The following PEAR1 variants were observed in gnomAD, a reference collection of about 807,000 sequenced individuals.
PEAR1 encodes multiple EGF-like domains protein 12.
Under a neutral mutation model 131.2 loss-of-function variants are expected in PEAR1, and 113 were observed. That is an observed-to-expected ratio of 0.86 (90% CI 0.74 to 1.01). The LOEUF (loss-of-function observed/expected upper bound fraction) is 1.01, where lower values mean the gene tolerates loss of function less well. Among genes scored for constraint, PEAR1 ranks in the 50% least tolerant of loss-of-function variants. The pLI, the probability that PEAR1 is intolerant of heterozygous loss-of-function variation, is 0.00. For synonymous variants in PEAR1, 565 were observed against 523.3 expected, an observed-to-expected ratio of 1.08 and a Z score of -1.09; for missense variants, 1,408 against 1,391.1, an observed-to-expected ratio of 1.01 and a Z score of -0.19.
In PEAR1 at chr1:156,910,459, C is replaced by T. The variant is rs933489257; in HGVS notation, c.1825+79C>T. The T allele has an allele frequency of 8.4e-6, 13 of 1,542,078 alleles. 1 individual carries two copies. In the South Asian group the frequency reaches 1.2e-4, roughly 15 times the overall value. On this transcript the variant is annotated intron_variant, in intron 14 of 22. Coordinates refer to ENST00000292357, the MANE Select transcript of PEAR1 (RefSeq NM_001080471.3). Reference sequence around the variant, plus strand: ...TCAGCTGCCAGAGCACCCCTCCCCCCGCGCCCGCCGCCCACCTCTCCCACC... The same window carrying T: ...TCAGCTGCCAGAGCACCCCTCCCCCTGCGCCCGCCGCCCACCTCTCCCACC...
Position 156,906,687 on chromosome 1 carries a change from G to A in PEAR1, c.451G>A (p.Gly151Ser), listed in dbSNP as rs143797832. 3.0e-5 allele frequency: 48 copies of A among 1,614,178 alleles called. No individual in the cohort carries two copies. Among genetic ancestry groups the A allele is most frequent in the South Asian group, 2.9e-4 (26 of 91,086 alleles). ...GPQCDKPCSCGNNSSCDPKSG... is the reference protein window; with the variant it reads ...GPQCDKPCSCSNNSSCDPKSG... ...ACAGTGTGACAAGCCCTGCAGCTGC[G>A]GCAACAACAGCTCGTGTGATCCCAA... Residue 151 changes from glycine to serine, a missense_variant, in exon 6 of 23, where the codon GGC (glycine) becomes AGC (serine). Gly to Ser is a moderately conservative substitution (Grantham distance 56, BLOSUM62 0). Transcript: ENST00000292357.
At position 156,912,483 on chromosome 1, in the gene PEAR1, T is replaced by C; in HGVS notation, c.2081-11T>C. 1.2e-6 allele frequency: 2 copies of C among 1,610,728 alleles called. No homozygotes were observed. Among genetic ancestry groups the C allele is most frequent in the Non-Finnish European group, 1.7e-6 (2 of 1,178,592 alleles). On this transcript the variant is annotated splice_polypyrimidine_tract_variant and intron_variant, in intron 16 of 22. Coordinates refer to ENST00000292357, the MANE Select transcript of PEAR1 (RefSeq NM_001080471.3). ...TCTGATGCCGGCCTGCCTCCTTGGC[T>C]GTCTCCCCAGGCTGCCCTCTGGGGA...
rs201748537 is a variant in PEAR1, at chr1:156,912,243, G to A, written c.1952-4G>A. 45 of 1,610,184 alleles carry A rather than the reference G, an allele frequency of 2.8e-5. No individual in the cohort carries two copies. The highest frequency in any genetic ancestry group is 2.7e-4 in the East Asian group (12 of 44,850). On this transcript the variant is annotated splice_polypyrimidine_tract_variant and splice_region_variant and intron_variant, in intron 15 of 22. Coordinates refer to ENST00000292357, the MANE Select transcript of PEAR1 (RefSeq NM_001080471.3). ...CCACCAGACAGGCCCCATGTCTCCC[G>A]TAGCATGCCCTCCAGGACACTGGGG...
At chr1:156,904,677 G>A in intron 2 of PEAR1, 71 bp from the exon 3 acceptor site, 2 of 1,460,850 alleles carry the variant, frequency 1.4e-6, no homozygotes, top group Admixed American at 2.1e-5. Context: ...AAGCCCTCAT[G>A]GCCATTTTCC....
In PEAR1 at chr1:156,910,216, G is replaced by A. The variant is rs745861389; in HGVS notation, c.1679-18G>A. The A allele has an allele frequency of 1.6e-5, 25 of 1,609,886 alleles. No homozygotes were observed. The Admixed American group carries it at 2.7e-4, about 17-fold the overall frequency. On this transcript the variant is annotated intron_variant, in intron 13 of 22. Transcript: ENST00000292357. ...GAAGGGGGCCCAGCCAGGCACACCC[G>A]ACTGCTGTCTCCCACAGGTGCCCGC...
intron 15 of PEAR1, among the ~76,000 whole-genome samples, chr1:156,911,073 C>CTTTCTTTCTTTCT (rs1651049964): frequency 8.9e-6 from 1 of 112,924 alleles, no homozygotes; most frequent in South Asian, 3.4e-4. Context: ...TTCTTTCTTT[C>CTTTCTTTCTTTCT]TTTCTTTCTT....
At position 156,910,031 on chromosome 1, in the gene PEAR1, C is replaced by T. The variant is rs866421490; in HGVS notation, c.1601C>T (p.Ala534Val). The stretch of plus-strand genomic sequence containing the variant: ...AAGGGGCAGTTTGGAGAAGGTTGTG[C>T]CAGTCGCTGTGACTGTGACCACTCT... ...CPKGQFGEGCASRCDCDHSDG... is the reference protein window; with the variant it reads ...CPKGQFGEGCVSRCDCDHSDG... The change falls in exon 13 of 23, where the codon GCC becomes GTC. Residue 534 changes from alanine to valine, a missense_variant. Transcript: ENST00000292357. 6.2e-7 allele frequency: 1 copy of T among 1,613,874 alleles called. No individual in the cohort carries two copies. The highest frequency in any genetic ancestry group is 8.5e-7 in the Non-Finnish European group (1 of 1,180,032).
At chr1:156,911,102 C>CT (rs1177363910) in intron 15 of PEAR1, among the ~76,000 whole-genome samples, 80 of 119,192 alleles carry the variant, frequency 6.7e-4, no homozygotes, top group African/African-American at 2.8e-3. Flanking sequence ...TCCTTTCTTT[C>CT]TTTCTTTTCT....
At position 156,903,940 on chromosome 1, in the gene PEAR1, T is replaced by TGTGTCCCCTCCTTC; in HGVS notation, c.15_28dup (p.Leu10ArgfsTer76). ...CAGGCCTCTGCAATGTCACCGCCTC[T>TGTGTCCCCTCCTTC]GTGTCCCCTCCTTCTCCTGGCTGTG... On this transcript the variant is annotated frameshift_variant, in exon 2 of 23. Transcript: ENST00000292357. LOFTEE classifies it high-confidence loss of function. 6.2e-7 allele frequency: 1 copy of TGTGTCCCCTCCTTC among 1,613,998 alleles called. No homozygotes were observed. The highest frequency in any genetic ancestry group is 8.5e-7 in the Non-Finnish European group (1 of 1,179,974).
Position 156,914,912 on chromosome 1 carries a change from C to T in PEAR1, c.*114C>T, listed in dbSNP as rs1365592834. On this transcript the variant is annotated 3_prime_UTR_variant, in exon 23 of 23. Transcript: ENST00000292357. ...AGGGAGTGGACCGGCAGGCTGTGAA[C>T]ATGAACAACGCTTAACAGAGCAAGT... 4.9e-6 allele frequency: 6 copies of T among 1,221,058 alleles called. No individual in the cohort carries two copies. Among genetic ancestry groups the T allele is most frequent in the Non-Finnish European group, 5.7e-6 (5 of 880,738 alleles). The allele number at this position is 1,221,058 out of a possible 1,614,324, so 75.6% of individuals were successfully genotyped here. A position where few individuals can be genotyped will look rare whatever the true frequency, so the allele number is the denominator to read the frequency against.
rs1369927980 is a variant in PEAR1 at position 156,910,648 on chromosome 1, G to A, written c.1856G>A (p.Cys619Tyr). 1 of 1,614,084 alleles carries A rather than the reference G, an allele frequency of 6.2e-7. No individual in the cohort carries two copies. The highest frequency in any genetic ancestry group is 1.7e-5 in the Admixed American group (1 of 60,016). The change falls in exon 15 of 23, where the codon TGT becomes TAT. Residue 619 changes from cysteine to tyrosine, a missense_variant. By Grantham distance (194) the Cys-to-Tyr change is radical. Coordinates refer to ENST00000292357, the MANE Select transcript of PEAR1 (RefSeq NM_001080471.3). ...SCQPGRYGKRCVPCKCANHSF... is the reference protein window; with the variant it reads ...SCQPGRYGKRYVPCKCANHSF... The stretch of plus-strand genomic sequence containing the variant: ...CAGCCTGGCCGCTATGGCAAACGCT[G>A]TGTGCCCTGCAAGTGCGCTAACCAC...
At position 156,908,038 on chromosome 1, in the gene PEAR1, T is replaced by C; in HGVS notation, c.889T>C (p.Tyr297His). ...TGGGCAGTGCCGCTGCGCTCCGGGT[T>C]ACACTGGGGATCGGTGAGTGGCGTG... ...FTGQCRCAPG[Y>H]TGDRCREECP... The change falls in exon 8 of 23, where the codon TAC (tyrosine) becomes CAC (histidine). Residue 297 changes from tyrosine (Y) to histidine (H), a missense_variant. Transcript: ENST00000292357. This position sits in a 1 kb window ranked among gnomAD's most constrained non-coding sequence, Gnocchi z 4.2. 1 of 1,413,970 alleles carries C rather than the reference T, an allele frequency of 7.1e-7. No homozygotes were observed. Among genetic ancestry groups the C allele is most frequent in the Non-Finnish European group, 9.5e-7 (1 of 1,051,228 alleles). The allele number at this position is 1,413,970 out of a possible 1,614,324, so 87.6% of individuals were successfully genotyped here. A position where few individuals can be genotyped will look rare whatever the true frequency, so the allele number is the denominator to read the frequency against.
chr1:156,914,574 G>A (rs966962979), intron 22 of PEAR1, 73 bp from the exon 23 acceptor site: 37 of 1,450,322 alleles, frequency 2.6e-5, no homozygotes, highest in South Asian at 1.6e-4. Flanking sequence ...GGAGAGGAGT[G>A]CAGTGGGAGT....
chr1:156,911,157 TCTTTCTTTCTTTC>T (rs1651115926), intron 15 of PEAR1, among the ~76,000 whole-genome samples: 1 of 141,612 alleles, frequency 7.1e-6, no homozygotes, highest in Non-Finnish European at 1.5e-5. Flanking sequence ...TCTTTCTTTT[TCTTTCTTTCTTTC>T]CTTTCTTTTC....
In PEAR1 at chr1:156,908,934, C is replaced by A. The variant is rs1364013038; in HGVS notation, c.1309C>A (p.Leu437Ile). 1.2e-6 allele frequency: 2 copies of A among 1,613,718 alleles called. No individual in the cohort carries two copies. Among genetic ancestry groups the A allele is most frequent in the Non-Finnish European group, 1.7e-6 (2 of 1,179,988 alleles). ...PGYTGPHCAS[L>I]CPPDTYGVNC... ...CTTTCAGGGCCCTCACTGTGCTAGT[C>A]TTTGTCCTCCTGACACCTACGGTGT... Residue 437 changes from leucine (L) to isoleucine (I), a missense_variant, in exon 11 of 23, where the codon CTT (leucine) becomes ATT (isoleucine). By Grantham distance (5) the Leu-to-Ile change is conservative. Transcript: ENST00000292357. The surrounding 1 kb of genome is among the most constrained non-coding windows in gnomAD (Gnocchi z 4.2).
rs1295410222 is a variant in PEAR1 at position 156,908,755 on chromosome 1, G to A, written c.1216G>A (p.Glu406Lys). The change falls in exon 10 of 23, where the codon GAG (glutamate) becomes AAG (lysine). Residue 406 changes from glutamate to lysine, a missense_variant. Physicochemically the swap from Glu to Lys is moderately conservative, Grantham distance 56. Coordinates refer to ENST00000292357, the MANE Select transcript of PEAR1 (RefSeq NM_001080471.3). This position sits in a 1 kb window ranked among gnomAD's most constrained non-coding sequence, Gnocchi z 4.2. ...GGACACGCATGGGCCAGGGTGCCAG[G>A]AGCACTGTCTCTGCCTGCACGGTGG... is the stretch of plus-strand genomic sequence containing the variant. ...PQDTHGPGCQEHCLCLHGGVC... is the reference protein window; with the variant it reads ...PQDTHGPGCQKHCLCLHGGVC... 1 of 1,585,802 alleles carries A rather than the reference G, an allele frequency of 6.3e-7. No homozygotes were observed. The highest frequency in any genetic ancestry group is 8.6e-7 in the Non-Finnish European group (1 of 1,168,898).
chr1:156,900,326 C>G (rs1016521565), intron 1 of PEAR1, among the ~76,000 whole-genome samples: 1 of 151,924 alleles, frequency 6.6e-6, no homozygotes, highest in Non-Finnish European at 1.5e-5. Context: ...ACCCCCATCC[C>G]CTTCTCCTGT....
At chr1:156,909,702 C>G in intron 11 of PEAR1, 49 bp from the exon 12 acceptor site, 1 of 1,551,736 alleles carries the variant, frequency 6.4e-7, no homozygotes. Context: ...TGTGCTTGCT[C>G]AGGAAGGGAA....
intron 6 of PEAR1, 25 bp downstream of exon 6, chr1:156,906,905 T>G: frequency 6.2e-7 from 1 of 1,608,260 alleles, no homozygotes; most frequent in Non-Finnish European, 8.5e-7. Flanking sequence ...GAACGACACT[T>G]TAACAAGATC....
Sources: allele counts gnomAD v4.1 joint callset (sites outside exome capture counted in the v4.1 genomes callset), GRCh38; gene constraint gnomAD v4.1.1; non-coding constraint Gnocchi (gnomAD v3.1); transcripts MANE v1.5; gene names NCBI Gene and HGNC (gene_info 2026-07-23, HGNC 2026-07-21).